Variants in SH3GL3 observed in about 807,000 individuals in gnomAD.
SH3GL3 encodes the protein SH3 domain containing GRB2 like 3, endophilin A3, also known as endophilin-A3.
Under a neutral mutation model 47.7 loss-of-function variants are expected in SH3GL3, and 33 were observed. The ratio of observed to expected loss-of-function variants is 0.69; its 90% CI spans 0.52 to 0.92. The LOEUF is 0.92. Among genes scored for constraint, SH3GL3 ranks in the 40% least tolerant of loss-of-function variants. The probability of loss-of-function intolerance (pLI) is 0.00; values close to 1 mark genes in which losing one functional copy is unlikely to be tolerated. For missense variants in SH3GL3, 363 were observed against 417.8 expected (o/e 0.87, Z 1.14); for synonymous variants, 155 against 148.8 (o/e 1.04, Z -0.30).
At chr15:83,593,877 G>A (rs964830912) in intron 8 of SH3GL3, among the ~76,000 whole-genome samples, 4 of 151,936 alleles carry the variant, frequency 2.6e-5, no homozygotes, top group African/African-American at 9.7e-5. Context: ...GGAGTGCAGT[G>A]GCGCAGTCGC....
At chr15:83,573,250 T>C (rs1012939918) in intron 5 of SH3GL3, among the ~76,000 whole-genome samples, 1 of 152,226 alleles carries the variant, frequency 6.6e-6, no homozygotes, top group African/African-American at 2.4e-5. Context: ...CACCAGTGAC[T>C]TCCACTCTGG....
At chr15:83,570,342 G>A (rs965381702) in intron 4 of SH3GL3, among the ~76,000 whole-genome samples, 4 of 151,822 alleles carry the variant, frequency 2.6e-5, no homozygotes, top group East Asian at 1.9e-4. Context: ...TTTCTCTTCC[G>A]TTTCTTGATC....
At chr15:83,491,983 A>C (rs1360245760) in intron 1 of SH3GL3, among the ~76,000 whole-genome samples, 1 of 152,170 alleles carries the variant, frequency 6.6e-6, no homozygotes, top group Non-Finnish European at 1.5e-5. Flanking sequence ...TCAATCTTCC[A>C]ACTATTTATA....
chr15:83,620,494 T>G (rs1475249735), downstream of SH3GL3, among the ~76,000 whole-genome samples: 1 of 152,248 alleles, frequency 6.6e-6, no homozygotes, highest in Non-Finnish European at 1.5e-5. Flanking sequence ...AACATTCATC[T>G]CCTTGCATAT....
chr15:83,493,686 T>C (rs2041968557), intron 1 of SH3GL3, among the ~76,000 whole-genome samples: 1 of 152,198 alleles, frequency 6.6e-6, no homozygotes, highest in Non-Finnish European at 1.5e-5. Context: ...CCTCTGGTTC[T>C]ATTGCAGCAA....
intron 1 of SH3GL3, among the ~76,000 whole-genome samples, chr15:83,459,000 G>C (rs1047798568): frequency 2.6e-5 from 4 of 152,212 alleles, no homozygotes; most frequent in African/African-American, 9.6e-5. Context: ...AACCTCAAAA[G>C]TAGGGAAGCT....
intron 5 of SH3GL3, 95 bp from the exon 6 acceptor site, chr15:83,576,488 C>T (rs2059682895): frequency 8.3e-7 from 1 of 1,198,494 alleles, no homozygotes; most frequent in Non-Finnish European, 1.2e-6. Flanking sequence ...GGAATCTAGG[C>T]CGAGAAAAAG....
At chr15:83,560,345 T>A (rs1339092188) in intron 2 of SH3GL3, among the ~76,000 whole-genome samples, 2 of 152,192 alleles carry the variant, frequency 1.3e-5, no homozygotes, top group African/African-American at 4.8e-5. Context: ...CTATTAAATG[T>A]CTAGAAATGT....
At chr15:83,468,673 C>G (rs988426172) in intron 1 of SH3GL3, among the ~76,000 whole-genome samples, 5 of 152,124 alleles carry the variant, frequency 3.3e-5, no homozygotes, top group Non-Finnish European at 4.4e-5. Context: ...TTTTCAAAAA[C>G]TGAACCAGCA....
intron 8 of SH3GL3, among the ~76,000 whole-genome samples, chr15:83,602,050 T>C (rs1438759467): frequency 6.6e-6 from 1 of 152,132 alleles, no homozygotes; most frequent in Non-Finnish European, 1.5e-5. Flanking sequence ...TAGGTGGTTC[T>C]AATGCATAGA....
intron 1 of SH3GL3, among the ~76,000 whole-genome samples, chr15:83,534,305 C>T (rs952441498): frequency 3.3e-5 from 5 of 152,142 alleles, no homozygotes; most frequent in Non-Finnish European, 5.9e-5. Flanking sequence ...CTATAAATTA[C>T]CCAATTGCTG....
intron 8 of SH3GL3, chr15:83,609,581 G>A (rs1158519741): frequency 3.9e-6 from 1 of 259,190 alleles, no homozygotes; most frequent in Non-Finnish European, 7.9e-6. Context: ...AACTATGGGG[G>A]TGGGGTCATA....
intron 1 of SH3GL3, among the ~76,000 whole-genome samples, chr15:83,546,472 G>C (rs1244586038): frequency 6.6e-6 from 1 of 151,982 alleles, no homozygotes; most frequent in Non-Finnish European, 1.5e-5. Context: ...TGCCCTCCAG[G>C]AGCTAAGGCC....
At chr15:83,552,675 G>A (rs1357568956) in intron 1 of SH3GL3, among the ~76,000 whole-genome samples, 1 of 152,068 alleles carries the variant, frequency 6.6e-6, no homozygotes, top group Non-Finnish European at 1.5e-5. Flanking sequence ...AAATTTATTG[G>A]CTGGGGGATA....
At chr15:83,449,007 G>C (rs1440862898) in intron 1 of SH3GL3, among the ~76,000 whole-genome samples, 1 of 152,204 alleles carries the variant, frequency 6.6e-6, no homozygotes, top group African/African-American at 2.4e-5. Context: ...CTGCAGCTCA[G>C]GGGGTGAGGC....
intron 8 of SH3GL3, among the ~76,000 whole-genome samples, chr15:83,605,712 T>C (rs773943790): frequency 2.0e-5 from 3 of 152,096 alleles, no homozygotes; most frequent in Non-Finnish European, 4.4e-5. Flanking sequence ...AATGACAGAT[T>C]GCAGACAAAA....
chr15:83,490,826 A>G, intron 1 of SH3GL3: 3 of 1,614,194 alleles, frequency 1.9e-6, no homozygotes, highest in Non-Finnish European at 2.5e-6. Flanking sequence ...AAATCAGAAG[A>G]TGAATGAATG....
At chr15:83,569,231 A>G (rs868395330) in intron 4 of SH3GL3, among the ~76,000 whole-genome samples, 1 of 152,162 alleles carries the variant, frequency 6.6e-6, no homozygotes, top group Non-Finnish European at 1.5e-5. Flanking sequence ...TTATTCTTAT[A>G]TGTATTCATA....
chr15:83,527,271 T>C (rs1345722298), intron 1 of SH3GL3, among the ~76,000 whole-genome samples: 1 of 152,198 alleles, frequency 6.6e-6, no homozygotes, highest in African/African-American at 2.4e-5. Flanking sequence ...TGTTTCTTTG[T>C]TAATTTTTTG....
Sources: allele counts gnomAD v4.1 joint callset (sites outside exome capture counted in the v4.1 genomes callset), GRCh38; gene constraint gnomAD v4.1.1; transcripts MANE v1.5; gene names NCBI Gene and HGNC (gene_info 2026-07-23, HGNC 2026-07-21).